The following SCTR variants were observed in gnomAD, a reference collection of about 807,000 sequenced individuals.
SCTR encodes the protein secretin receptor, also known as pancreatic secretin receptor.
SCTR carries 56 observed loss-of-function variants against 60.8 expected under a neutral mutation model. The ratio of observed to expected loss-of-function variants is 0.92; its 90% CI spans 0.74 to 1.15. The LOEUF is 1.15. SCTR is among the 50% of genes most tolerant of loss of function. The probability of loss-of-function intolerance (pLI) is 0.00; values close to 1 mark genes in which losing one functional copy is unlikely to be tolerated. For missense variants in SCTR, 562 were observed against 550.4 expected, an observed-to-expected ratio of 1.02 and a Z score of -0.21; for synonymous variants, 202 against 217.0, an observed-to-expected ratio of 0.93 and a Z score of 0.61.
In SCTR at chr2:119,523,477, G is replaced by A. The variant is rs902662413; in HGVS notation, c.72+678C>T. ...AGCCCCTTGCCAGGACCTGGCTTTG[G>A]GGAACAGCAGCGCCCTGGAGCCACC... On this transcript the variant is annotated intron_variant, in intron 1 of 12. Coordinates refer to ENST00000019103, the MANE Select transcript of SCTR (RefSeq NM_002980.3). Among the ~76,000 whole-genome samples the A allele has an allele frequency of 6.6e-5, 10 of 150,424 alleles. No individual in the cohort carries two copies. The South Asian group carries it at 1.5e-3, about 22-fold the overall frequency.
Position 119,504,838 on chromosome 2 carries a change from A to G in SCTR, c.73-10290T>C, listed in dbSNP as rs544839479. ...ACTACATATTCAAGGAAGGAATAAT[A>G]TCTAAAATATACAAAGAATGCTTGA... On this transcript the variant is annotated intron_variant, in intron 1 of 12. Transcript: ENST00000019103. Among the ~76,000 whole-genome samples, 57 of 152,354 alleles carry G rather than the reference A, an allele frequency of 3.7e-4. No individual in the cohort carries two copies. In the South Asian group the frequency reaches 8.5e-3, roughly 23 times the overall value.
intron 1 of SCTR, among the ~76,000 whole-genome samples, chr2:119,512,020 A>T (rs2104942304): frequency 6.6e-6 from 1 of 151,462 alleles, no homozygotes; most frequent in East Asian, 1.9e-4. Context: ...TATATGTAAG[A>T]TTTTTCTTTG....
chr2:119,507,750 C>G (rs1678792680), intron 1 of SCTR, among the ~76,000 whole-genome samples: 1 of 136,728 alleles, frequency 7.3e-6, no homozygotes, highest in African/African-American at 2.7e-5. Context: ...ACGATCTTGG[C>G]TCACTGCAAC....
At chr2:119,441,088 G>A (rs995931141) in intron 12 of SCTR, among the ~76,000 whole-genome samples, 1 of 152,166 alleles carries the variant, frequency 6.6e-6, no homozygotes, top group South Asian at 2.1e-4. Context: ...CTCATCTGGA[G>A]GTCCCTAAGG....
At chr2:119,474,075 C>T (rs894315402) in intron 3 of SCTR, among the ~76,000 whole-genome samples, 4 of 152,220 alleles carry the variant, frequency 2.6e-5, no homozygotes, top group African/African-American at 9.6e-5. Context: ...TCGGCCACGA[C>T]CTGTAGGCCA....
intron 2 of SCTR, among the ~76,000 whole-genome samples, chr2:119,482,245 G>A (rs926647438): frequency 2.0e-5 from 3 of 152,220 alleles, no homozygotes; most frequent in Admixed American, 6.5e-5. Flanking sequence ...GGGTTAGGGG[G>A]GATGCTGGCC....
At chr2:119,456,455 G>A (rs1417811518) in intron 7 of SCTR, among the ~76,000 whole-genome samples, 1 of 152,076 alleles carries the variant, frequency 6.6e-6, no homozygotes, top group Admixed American at 6.6e-5. Flanking sequence ...TTCCTTTCAG[G>A]TGCTCTTGGT....
chr2:119,452,740 A>T (rs1406844567), intron 8 of SCTR, among the ~76,000 whole-genome samples: 2 of 152,142 alleles, frequency 1.3e-5, no homozygotes, highest in Non-Finnish European at 2.9e-5. Context: ...TATGCCCCTG[A>T]GAAATCAACT....
chr2:119,485,638 C>T (rs2104873960), intron 2 of SCTR, among the ~76,000 whole-genome samples: 1 of 152,358 alleles, frequency 6.6e-6, no homozygotes, highest in Middle Eastern at 3.4e-3. Flanking sequence ...CACTCACACC[C>T]CTCCATGTCC....
intron 1 of SCTR, 139 bp downstream of exon 1, chr2:119,524,016 A>T: frequency 3.0e-6 from 2 of 667,966 alleles, no homozygotes; most frequent in South Asian, 3.4e-5. Context: ...TAATGTTGGG[A>T]GGATTGGGAG....
rs116754610 is a variant in SCTR at position 119,503,698 on chromosome 2, G to A, written c.73-9150C>T. Among the ~76,000 whole-genome samples, 329 of 152,194 alleles carry A rather than the reference G, an allele frequency of 2.2e-3. 5 individuals carry two copies. The highest frequency in any genetic ancestry group is 3.4e-3 in the Middle Eastern group (1 of 294). Reference sequence around the variant, plus strand: ...CGTGGGACTTTTAGGGCAGTGAATCGATTCTGCATGATACTGTAATAGCGG... The same window carrying A: ...CGTGGGACTTTTAGGGCAGTGAATCAATTCTGCATGATACTGTAATAGCGG... On this transcript the variant is annotated intron_variant, in intron 1 of 12. Coordinates refer to ENST00000019103, the MANE Select transcript of SCTR (RefSeq NM_002980.3).
intron 5 of SCTR, among the ~76,000 whole-genome samples, chr2:119,465,002 TCTG>T (rs1046509359): frequency 6.6e-6 from 1 of 152,224 alleles, no homozygotes; most frequent in Non-Finnish European, 1.5e-5. Context: ...AGTTACTTGT[TCTG>T]CTTCTTCTGG....
intron 3 of SCTR, among the ~76,000 whole-genome samples, chr2:119,474,286 T>C (rs1296040057): frequency 1.3e-5 from 2 of 151,958 alleles, no homozygotes; most frequent in African/African-American, 4.8e-5. Context: ...GAAAGGCAAA[T>C]TGAATGGGGA....
At chr2:119,458,619 T>G (rs1353518783) in intron 7 of SCTR, among the ~76,000 whole-genome samples, 5 of 152,038 alleles carry the variant, frequency 3.3e-5, no homozygotes, top group Non-Finnish European at 7.4e-5. Flanking sequence ...AAAAAAAGTC[T>G]TGCCTCAATT....
chr2:119,487,822 A>C (rs1558868252), intron 2 of SCTR, among the ~76,000 whole-genome samples: 1 of 152,034 alleles, frequency 6.6e-6, no homozygotes, highest in Non-Finnish European at 1.5e-5. Context: ...GTTTCCTGTG[A>C]CTGGTCTGGC....
At chr2:119,521,862 C>T (rs566229512) in intron 1 of SCTR, among the ~76,000 whole-genome samples, 1 of 152,194 alleles carries the variant, frequency 6.6e-6, no homozygotes, top group South Asian at 2.1e-4. Context: ...AGGTCAGTTC[C>T]ACTCCTATTT....
Position 119,440,194 on chromosome 2 carries a change from C to A in SCTR, c.1246G>T (p.Val416Leu). The change falls in exon 13 of 13, where the codon GTG becomes TTG. Residue 416 changes from valine (V) to leucine (L), a missense_variant. Physicochemically the swap from Val to Leu is conservative, Grantham distance 32. Transcript: ENST00000019103. ...TTGGTGCTGTTGCTGAAGGAGGCCA[C>A]GGGGTGCAGTGGGAACTCACGGAGG... ...WHLREFPLHP[V>L]ASFSNSTKAS... The A allele has an allele frequency of 6.2e-7, 1 of 1,614,048 alleles. No homozygotes were observed. Among genetic ancestry groups the A allele is most frequent in the Non-Finnish European group, 8.5e-7 (1 of 1,180,012 alleles).
At chr2:119,467,480 C>A (rs1296815001) in intron 4 of SCTR, among the ~76,000 whole-genome samples, 1 of 151,890 alleles carries the variant, frequency 6.6e-6, no homozygotes, top group Non-Finnish European at 1.5e-5. Context: ...ACCAAACTAA[C>A]AAATATGTAA....
intron 2 of SCTR, chr2:119,487,201 G>A (rs577889714): frequency 2.0e-5 from 3 of 152,148 alleles, no homozygotes; most frequent in Non-Finnish European, 4.4e-5. Flanking sequence ...TTATTTTGGG[G>A]TAATGAAGAT....
Sources: allele counts gnomAD v4.1 joint callset (sites outside exome capture counted in the v4.1 genomes callset), GRCh38; gene constraint gnomAD v4.1.1; transcripts MANE v1.5; gene names NCBI Gene and HGNC (gene_info 2026-07-23, HGNC 2026-07-21).